Variants in ZNF680 observed in about 807,000 individuals in gnomAD.
ZNF680 encodes the protein hypothetical protein FLJ90430.
A neutral mutation model predicts 12.1 loss-of-function variants in ZNF680; 6 were observed. The ratio of observed to expected loss-of-function variants is 0.49; its 90% CI spans 0.27 to 0.98. ZNF680 has a LOEUF of 0.98. Among genes scored for constraint, ZNF680 ranks in the 50% least tolerant of loss-of-function variants. The pLI, the probability that ZNF680 is intolerant of heterozygous loss-of-function variation, is 0.12. For missense variants in ZNF680, 561 were observed against 616.3 expected, an observed-to-expected ratio of 0.91 and a Z score of 0.95; for synonymous variants, 170 against 199.3, an observed-to-expected ratio of 0.85 and a Z score of 1.24.
intron 1 of ZNF680, among the ~76,000 whole-genome samples, chr7:64,559,180 A>G (rs1228299114): frequency 1.3e-5 from 2 of 152,214 alleles, no homozygotes; most frequent in African/African-American, 4.8e-5. Flanking sequence ...AAGGAAGCCA[A>G]TCTTTGCATG....
At chr7:64,523,158 T>C (rs949779853) in intron 3 of ZNF680, among the ~76,000 whole-genome samples, 1 of 152,076 alleles carries the variant, frequency 6.6e-6, no homozygotes, top group East Asian at 1.9e-4. Flanking sequence ...TGTTAATTAT[T>C]CTCTAAAATT....
chr7:64,510,023 T>TAA, the ZNF680 span, among the ~76,000 whole-genome samples: 2,377 of 105,858 alleles, frequency 0.022, 49 homozygotes, highest in Middle Eastern at 0.082. Context: ...CGTAAAACTC[T>TAA]AAAAAAAAAA....
intron 1 of ZNF680, among the ~76,000 whole-genome samples, chr7:64,555,954 A>G (rs1402237321): frequency 6.6e-6 from 1 of 151,898 alleles, no homozygotes; most frequent in East Asian, 1.9e-4. Flanking sequence ...GTGTACAAAA[A>G]TCAGTAACAT....
At chr7:64,501,321 A>C in the ZNF680 span, 2 of 1,203,290 alleles carry the variant, frequency 1.7e-6, no homozygotes, top group East Asian at 4.8e-5. Flanking sequence ...ACACCTCATG[A>C]AGGGGCAAAA....
chr7:64,540,574 A>G (rs777299706), intron 3 of ZNF680, among the ~76,000 whole-genome samples: 1 of 152,168 alleles, frequency 6.6e-6, no homozygotes, highest in Non-Finnish European at 1.5e-5. Context: ...AAGTGCTGGG[A>G]TTACAGGCAT....
At chr7:64,518,123 G>A (rs1465389963), downstream of ZNF680, among the ~76,000 whole-genome samples, 1 of 151,832 alleles carries the variant, frequency 6.6e-6, no homozygotes, top group Non-Finnish European at 1.5e-5. Context: ...CATCCAAAGA[G>A]GAATTTAAGC....
At chr7:64,557,456 G>A (rs1361962993) in intron 1 of ZNF680, among the ~76,000 whole-genome samples, 1 of 151,928 alleles carries the variant, frequency 6.6e-6, no homozygotes, top group Non-Finnish European at 1.5e-5. Context: ...TCAGGAGGCT[G>A]AGGCTGGAGA....
At chr7:64,544,017 G>A in intron 2 of ZNF680, 2 of 592,986 alleles carry the variant, frequency 3.4e-6, no homozygotes, top group Non-Finnish European at 5.5e-6. Flanking sequence ...AATTGGTGGG[G>A]GCAATTAAAT....
chr7:64,538,066 G>A (rs1475982310), intron 3 of ZNF680, among the ~76,000 whole-genome samples: 1 of 151,488 alleles, frequency 6.6e-6, no homozygotes. Context: ...AAAAAATAAC[G>A]TTGAAATCAG....
the ZNF680 span, among the ~76,000 whole-genome samples, chr7:64,510,923 A>T: frequency 0.15 from 10,754 of 69,590 alleles, 2,463 homozygotes; most frequent in Middle Eastern, 0.2. Flanking sequence ...AAAAAAAAAT[A>T]AAAAATAAAA....
chr7:64,539,416 A>C (rs1238632396), intron 3 of ZNF680, among the ~76,000 whole-genome samples: 1 of 150,536 alleles, frequency 6.6e-6, no homozygotes, highest in Non-Finnish European at 1.5e-5. Context: ...AATGTTGAGA[A>C]TTATGTCACC....
chr7:64,562,590 C>A (rs138802299), intron 1 of ZNF680, among the ~76,000 whole-genome samples: 3 of 152,318 alleles, frequency 2.0e-5, no homozygotes, highest in East Asian at 3.9e-4. Flanking sequence ...AAAGGAGGGA[C>A]TGGGACCCCA....
downstream of ZNF680, chr7:64,519,815 TGAGTA>T (rs1554322125): frequency 6.6e-6 from 1 of 151,780 alleles, no homozygotes; most frequent in Non-Finnish European, 1.5e-5. Context: ...CCTCCCTCCT[TGAGTA>T]AAGTGAAAAA....
intron 1 of ZNF680, among the ~76,000 whole-genome samples, chr7:64,561,982 C>G (rs1453673239): frequency 2.0e-5 from 3 of 147,928 alleles, no homozygotes; most frequent in Non-Finnish European, 4.5e-5. Context: ...CGCCTGTAAT[C>G]CCAGCACTTT....
At chr7:64,536,355 A>G (rs1786168170) in intron 3 of ZNF680, among the ~76,000 whole-genome samples, 1 of 152,224 alleles carries the variant, frequency 6.6e-6, no homozygotes, top group South Asian at 2.1e-4. Context: ...GTGTGCCAGC[A>G]TCTGCTTCTG....
At chr7:64,500,239 C>T in the ZNF680 span, among the ~76,000 whole-genome samples, 2 of 152,034 alleles carry the variant, frequency 1.3e-5, no homozygotes, top group Non-Finnish European at 2.9e-5. Flanking sequence ...CCAAATGAAG[C>T]TCAAATGAAG....
chr7:64,515,276 AAC>A (rs111387300), downstream of ZNF680, among the ~76,000 whole-genome samples: 34,164 of 151,572 alleles, frequency 0.23, 4,021 homozygotes, highest in South Asian at 0.29. Flanking sequence ...GCATCAGTGC[AAC>A]ACACACACAT....
In ZNF680 at chr7:64,562,934, G is replaced by T; in HGVS notation, c.21C>A (p.Ser7Arg). The change falls in exon 1 of 4, where the codon AGC becomes AGA. Residue 7 changes from serine to arginine, a missense_variant. Transcript: ENST00000309683. ...CGGACCGCACTCTCACCATTTCTAG[G>T]CTTCCAGGTGGTCCTGGCATCTTAG... MPGPPG[S>R]LEMGPLTFRD... 1 of 1,613,808 alleles carries T rather than the reference G, an allele frequency of 6.2e-7. No homozygotes were observed. The highest frequency in any genetic ancestry group is 8.5e-7 in the Non-Finnish European group (1 of 1,179,802).
chr7:64,526,340 C>A, intron 3 of ZNF680: 1 of 1,231,692 alleles, frequency 8.1e-7, no homozygotes, highest in African/African-American at 1.6e-5. Context: ...AAAGACTTTT[C>A]AAAATAAAAG....
Sources: allele counts gnomAD v4.1 joint callset (sites outside exome capture counted in the v4.1 genomes callset), GRCh38; gene constraint gnomAD v4.1.1; transcripts MANE v1.5; gene names NCBI Gene and HGNC (gene_info 2026-07-23, HGNC 2026-07-21).